Variants in SLC2A11 observed in about 807,000 individuals in gnomAD.
SLC2A11 encodes solute carrier family 2 member 11.
A neutral mutation model predicts 52.1 loss-of-function variants in SLC2A11; 43 were observed. The observed-to-expected ratio is 0.82, with a 90% CI of 0.65 to 1.06. The LOEUF (loss-of-function observed/expected upper bound fraction) is 1.06. Among genes scored for constraint, SLC2A11 ranks in the 50% least tolerant of loss-of-function variants. The probability of loss-of-function intolerance (pLI) is 0.00; values close to 1 mark genes in which losing one functional copy is unlikely to be tolerated. For synonymous variants in SLC2A11, 261 were observed against 277.6 expected, an observed-to-expected ratio of 0.94 and a Z score of 0.59; for missense variants, 582 against 654.2, an observed-to-expected ratio of 0.89 and a Z score of 1.20.
chr22:23,877,271 T>A, intron 5 of SLC2A11, 100 bp downstream of exon 5: 3 of 1,548,368 alleles, frequency 1.9e-6, no homozygotes, highest in Non-Finnish European at 2.6e-6. Flanking sequence ...GATTAAAGCA[T>A]TATTGCTTTG....
intron 3 of SLC2A11, 99 bp downstream of exon 3, chr22:23,868,740 C>T (rs1292551034): frequency 2.8e-6 from 4 of 1,445,080 alleles, no homozygotes; most frequent in Non-Finnish European, 2.8e-6. Context: ...CGGCAAGCTC[C>T]AGGCCCAGAT....
Position 23,875,125 on chromosome 22 carries a change from C to A in SLC2A11, c.299C>A (p.Ser100Tyr). 1 of 1,581,166 alleles carries A rather than the reference C, an allele frequency of 6.3e-7. No individual in the cohort carries two copies. The highest frequency in any genetic ancestry group is 1.2e-5 in the South Asian group (1 of 86,294). Residue 100 changes from serine (S) to tyrosine (Y), a missense_variant, in exon 4 of 12, where the codon TCC becomes TAC. By Grantham distance (144) the Ser-to-Tyr change is moderately radical. Transcript: ENST00000316185. Reference sequence around the variant, plus strand: ...GTTTCACTTCCCCCAAGGAAGAAGTCCCTCCTGGTGAATAACATCTTTGTG... The same window carrying A: ...GTTTCACTTCCCCCAAGGAAGAAGTACCTCCTGGTGAATAACATCTTTGTG... Reference protein sequence around the residue: ...PLAITLGRKKSLLVNNIFVVS... With the variant: ...PLAITLGRKKYLLVNNIFVVS...
rs528010828 is a variant in SLC2A11 at position 23,857,902 on chromosome 22, G to A, written c.-98G>A. ...CTTTCACCACTGGGCGCTGCGCGCT[G>A]CCCTTCCCTCCGCGCACAGGCTGCC... On this transcript the variant is annotated 5_prime_UTR_variant, in exon 1 of 12. Coordinates refer to ENST00000316185, the MANE Select transcript of SLC2A11 (RefSeq NM_001024939.4). 9 of 1,572,780 alleles carry A rather than the reference G, an allele frequency of 5.7e-6. No homozygotes were observed. In the Admixed American group the frequency reaches 7.2e-5, roughly 13 times the overall value.
chr22:23,884,827 TTA>T lies in SLC2A11; in HGVS notation c.1480_1481del (p.Ile494ProfsTer60). On this transcript the variant is annotated frameshift_variant, in exon 12 of 12. Coordinates refer to ENST00000316185, the MANE Select transcript of SLC2A11 (RefSeq NM_001024939.4). LOFTEE classifies it high-confidence loss of function. This position sits in a 1 kb window ranked among gnomAD's most constrained non-coding sequence, Gnocchi z 4.3. Reference sequence around the variant, plus strand: ...GGCCCCACGTGGAGGAGCCTGGAGGTTATCCAGTCAACAGAACTCTAGTCCCA... The same window carrying T: ...GGCCCCACGTGGAGGAGCCTGGAGGTTCCAGTCAACAGAACTCTAGTCCCA... 6.2e-7 allele frequency: 1 copy of T among 1,613,982 alleles called. No homozygotes were observed.
rs1568980860 is a variant in SLC2A11 at position 23,857,887 on chromosome 22, TG to T, written c.-110del. On this transcript the variant is annotated 5_prime_UTR_variant, in exon 1 of 12. Coordinates refer to ENST00000316185, the MANE Select transcript of SLC2A11 (RefSeq NM_001024939.4). ...CGTGCGCTAGCGCCTCTTTCACCAC[TG>T]GGCGCTGCGCGCTGCCCTTCCCTCC... 6.4e-7 allele frequency: 1 copy of T among 1,557,926 alleles called. No individual in the cohort carries two copies. Among genetic ancestry groups the T allele is most frequent in the Non-Finnish European group, 8.7e-7 (1 of 1,153,010 alleles).
Position 23,862,137 on chromosome 22 carries a change from G to T in SLC2A11, c.64G>T (p.Ala22Ser), listed in dbSNP as rs773546207. 3 of 1,613,996 alleles carry T rather than the reference G, an allele frequency of 1.9e-6. No homozygotes were observed. The South Asian group carries it at 3.3e-5, about 18-fold the overall frequency. The change falls in exon 2 of 12, where the codon GCT (alanine) becomes TCT (serine). Residue 22 changes from alanine to serine, a missense_variant. By Grantham distance (99) the Ala-to-Ser change is moderately conservative (BLOSUM62 1). Transcript: ENST00000316185. ...QGRILLLTIC[A>S]AGIGGTFQFG... ...CAGGATCCTGCTCCTGACCATCTGC[G>T]CTGCCGGCATTGGTGGGACTTTTCA...
intron 3 of SLC2A11, 188 bp downstream of exon 3, chr22:23,868,829 A>G (rs1457622928): frequency 1.6e-6 from 1 of 623,192 alleles, no homozygotes; most frequent in Admixed American, 3.0e-5. Context: ...TAGAGCAAAC[A>G]GTCCTGTGCT....
chr22:23,868,204 G>A, intron 2 of SLC2A11: 1 of 501,988 alleles, frequency 2.0e-6, no homozygotes, highest in South Asian at 3.0e-5. Flanking sequence ...TATTGTGTGA[G>A]TAGAGAGAAA....
chr22:23,877,686 A>T (rs1198259843), intron 5 of SLC2A11, 35 bp from the exon 6 acceptor site: 4 of 1,530,902 alleles, frequency 2.6e-6, no homozygotes, highest in Non-Finnish European at 3.5e-6. Context: ...TCTGGCAAAG[A>T]GGCATCTGGC....
At position 23,884,904 on chromosome 22, in the gene SLC2A11, G is replaced by A; in HGVS notation, c.*55G>A. 1 of 1,496,326 alleles carries A rather than the reference G, an allele frequency of 6.7e-7. No individual in the cohort carries two copies. Among genetic ancestry groups the A allele is most frequent in the South Asian group, 1.2e-5 (1 of 85,356 alleles). 92.7% of individuals were successfully genotyped at this position (1,496,326 alleles called of 1,614,324 possible). ...GCTACTGTCCTGTCCTCTGCTTCCT[G>A]CCAGGGCCCTGGTCCTCACTCCCTC... On this transcript the variant is annotated 3_prime_UTR_variant, in exon 12 of 12. Coordinates refer to ENST00000316185, the MANE Select transcript of SLC2A11 (RefSeq NM_001024939.4). The surrounding 1 kb of genome is among the most constrained non-coding windows in gnomAD (Gnocchi z 4.3).
chr22:23,875,926 G>A (rs1267312351), intron 4 of SLC2A11, among the ~76,000 whole-genome samples: 1 of 152,184 alleles, frequency 6.6e-6, no homozygotes, highest in Non-Finnish European at 1.5e-5. Flanking sequence ...CAAGCTGTCA[G>A]GGCTGCAGAC....
intron 3 of SLC2A11, chr22:23,870,454 A>G (rs2032415987): frequency 5.4e-6 from 1 of 185,792 alleles, no homozygotes; most frequent in Non-Finnish European, 1.1e-5. Context: ...GGAAGCCCCT[A>G]TTGTTCAGCC....
rs370302433 is a variant in SLC2A11, at chr22:23,884,556, G to C, written c.1300-93G>C. On this transcript the variant is annotated intron_variant, in intron 11 of 11. Transcript: ENST00000316185. The surrounding 1 kb of genome is among the most constrained non-coding windows in gnomAD (Gnocchi z 4.3). ...GGGAGGGGTCTTAGGGGAGCAAAGA[G>C]GGGGGCAAATGCCTCCTCACGACCT... is the stretch of plus-strand genomic sequence containing the variant. 4.5e-6 allele frequency: 7 copies of C among 1,542,978 alleles called. No homozygotes were observed. The highest frequency in any genetic ancestry group is 2.5e-5 in the South Asian group (2 of 79,572).
intron 6 of SLC2A11, chr22:23,881,951 GAA>G (rs1241810704): frequency 3.8e-5 from 4 of 104,366 alleles, no homozygotes; most frequent in African/African-American, 8.2e-5. Context: ...GAGAGAGAGA[GAA>G]ACACACACAC....
chr22:23,865,708 A>C (rs957197190), intron 2 of SLC2A11: 3 of 152,256 alleles, frequency 2.0e-5, no homozygotes, highest in Non-Finnish European at 4.4e-5. Flanking sequence ...CAGGGTAACT[A>C]GACATCATGG....
At chr22:23,861,142 G>A (rs1421297515) in intron 1 of SLC2A11, among the ~76,000 whole-genome samples, 1 of 151,070 alleles carries the variant, frequency 6.6e-6, no homozygotes, top group Admixed American at 6.6e-5. Context: ...ACTGCGCCCG[G>A]CCAATTTTTG....
At chr22:23,859,859 A>T (rs2031988344) in intron 1 of SLC2A11, among the ~76,000 whole-genome samples, 1 of 152,264 alleles carries the variant, frequency 6.6e-6, no homozygotes, top group South Asian at 2.1e-4. Context: ...AACCTTAGCC[A>T]AACATCCTTC....
At position 23,875,131 on chromosome 22, in the gene SLC2A11, T is replaced by G. The variant is rs757716491; in HGVS notation, c.305T>G (p.Leu102Arg). 22 of 1,592,802 alleles carry G rather than the reference T, an allele frequency of 1.4e-5. No homozygotes were observed. Among genetic ancestry groups the G allele is most frequent in the Non-Finnish European group, 1.8e-5 (21 of 1,169,550 alleles). The change falls in exon 4 of 12, where the codon CTG becomes CGG. Residue 102 changes from leucine to arginine, a missense_variant. Coordinates refer to ENST00000316185, the MANE Select transcript of SLC2A11 (RefSeq NM_001024939.4). ...AITLGRKKSL[L>R]VNNIFVVSAA... is the part of the protein sequence containing the mutation. Reference sequence around the variant, plus strand: ...CTTCCCCCAAGGAAGAAGTCCCTCCTGGTGAATAACATCTTTGTGGTGTCA... The same window carrying G: ...CTTCCCCCAAGGAAGAAGTCCCTCCGGGTGAATAACATCTTTGTGGTGTCA...
At position 23,857,912 on chromosome 22, in the gene SLC2A11, C is replaced by G; in HGVS notation, c.-88C>G. The G allele has an allele frequency of 1.3e-6, 2 of 1,582,076 alleles. No individual in the cohort carries two copies. Among genetic ancestry groups the G allele is most frequent in the Non-Finnish European group, 1.7e-6 (2 of 1,165,152 alleles). On this transcript the variant is annotated 5_prime_UTR_variant, in exon 1 of 12. Coordinates refer to ENST00000316185, the MANE Select transcript of SLC2A11 (RefSeq NM_001024939.4). ...TGGGCGCTGCGCGCTGCCCTTCCCT[C>G]CGCGCACAGGCTGCCGGCTCACCGC...
Sources: allele counts gnomAD v4.1 joint callset (sites outside exome capture counted in the v4.1 genomes callset), GRCh38; gene constraint gnomAD v4.1.1; non-coding constraint Gnocchi (gnomAD v3.1); transcripts MANE v1.5; gene names NCBI Gene and HGNC (gene_info 2026-07-23, HGNC 2026-07-21).